Variants in CAMK2D observed in about 807,000 individuals in gnomAD.
CAMK2D encodes the protein calcium/calmodulin dependent protein kinase II delta.
A neutral mutation model predicts 84.0 loss-of-function variants in CAMK2D; 37 were observed. That is an observed-to-expected ratio of 0.44 (90% CI 0.34 to 0.58). The LOEUF is 0.58. CAMK2D is among the 20% of genes least tolerant of loss of function. The pLI is 0.02. For synonymous variants in CAMK2D, 202 were observed against 212.5 expected, an observed-to-expected ratio of 0.95 and a Z score of 0.43; for missense variants, 448 against 652.5, an observed-to-expected ratio of 0.69 and a Z score of 3.41.
At chr4:113,677,822 A>G (rs545704371) in intron 2 of CAMK2D, among the ~76,000 whole-genome samples, 70 of 152,244 alleles carry the variant, frequency 4.6e-4, no homozygotes, top group Non-Finnish European at 9.3e-4. Context: ...AGAGGAAAAA[A>G]ATGGCTTTTC....
chr4:113,612,251 T>C (rs1284194571), intron 3 of CAMK2D, among the ~76,000 whole-genome samples: 2 of 152,230 alleles, frequency 1.3e-5, no homozygotes, highest in African/African-American at 4.8e-5. Context: ...GTTTTAGTTG[T>C]AGACATCATC....
At chr4:113,752,146 A>G (rs934760427) in intron 2 of CAMK2D, among the ~76,000 whole-genome samples, 18 of 151,960 alleles carry the variant, frequency 1.2e-4, no homozygotes, top group African/African-American at 4.1e-4. Flanking sequence ...CAAAAAGCAC[A>G]CAGGTAGCTT....
intron 2 of CAMK2D, among the ~76,000 whole-genome samples, chr4:113,681,267 G>A (rs1184131973): frequency 6.6e-6 from 1 of 152,126 alleles, no homozygotes; most frequent in Admixed American, 6.5e-5. Flanking sequence ...ACATGTCAGG[G>A]GAAGGACCTG....
At chr4:113,693,474 T>C (rs1228362780) in intron 2 of CAMK2D, among the ~76,000 whole-genome samples, 1 of 152,102 alleles carries the variant, frequency 6.6e-6, no homozygotes, top group Non-Finnish European at 1.5e-5. Context: ...CAAATACTCC[T>C]CAAACTCTGA....
In CAMK2D at chr4:113,545,333, T is replaced by C. The variant is rs561813847; in HGVS notation, c.414+2311A>G. 2.6e-4 allele frequency among the ~76,000 whole-genome samples: 39 copies of C among 152,258 alleles called. 2 individuals carry two copies. The highest frequency in any genetic ancestry group is 9.4e-4 in the African/African-American group (39 of 41,540). On this transcript the variant is annotated intron_variant, in intron 6 of 20. Coordinates refer to ENST00000511664, the MANE Select transcript of CAMK2D (RefSeq NM_001321571.2). Reference sequence around the variant, plus strand: ...ATAAACATGACATTTCCTGTGTTTCTTTTTCTCACTGATGTGGACAAATTA... The same window carrying C: ...ATAAACATGACATTTCCTGTGTTTCCTTTTCTCACTGATGTGGACAAATTA...
At chr4:113,490,283 G>A (rs1358038193) in intron 16 of CAMK2D, among the ~76,000 whole-genome samples, 5 of 149,744 alleles carry the variant, frequency 3.3e-5, no homozygotes, top group Admixed American at 6.7e-5. Context: ...TAGGTCTAAC[G>A]TTTAAGTCTT....
At chr4:113,660,833 C>T (rs1047883926) in intron 3 of CAMK2D, among the ~76,000 whole-genome samples, 11 of 144,166 alleles carry the variant, frequency 7.6e-5, no homozygotes, top group African/African-American at 2.6e-4. Context: ...CTCGCTCTCT[C>T]GTCCCAGGCT....
intron 2 of CAMK2D, among the ~76,000 whole-genome samples, chr4:113,741,763 C>T (rs2099593535): frequency 6.6e-6 from 1 of 152,200 alleles, no homozygotes; most frequent in Non-Finnish European, 1.5e-5. Context: ...AGACTCTACA[C>T]AATCCATCCC....
intron 3 of CAMK2D, among the ~76,000 whole-genome samples, chr4:113,650,409 C>T (rs1352994554): frequency 2.0e-5 from 3 of 149,382 alleles, no homozygotes; most frequent in Non-Finnish European, 4.4e-5. Flanking sequence ...CCCAGCTGCT[C>T]GGGAGGCTGA....
chr4:113,565,895 A>T (rs72678732), intron 4 of CAMK2D, among the ~76,000 whole-genome samples: 2 of 152,164 alleles, frequency 1.3e-5, no homozygotes, highest in East Asian at 3.9e-4. Flanking sequence ...AAATTAGTAG[A>T]GGCTATTAAT....
chr4:113,571,215 A>T (rs1400037797), intron 4 of CAMK2D, among the ~76,000 whole-genome samples: 1 of 152,244 alleles, frequency 6.6e-6, no homozygotes, highest in Non-Finnish European at 1.5e-5. Context: ...TACAGCCATT[A>T]TGGAAAATAG....
At chr4:113,706,561 A>G (rs2099456954) in intron 2 of CAMK2D, among the ~76,000 whole-genome samples, 1 of 152,200 alleles carries the variant, frequency 6.6e-6, no homozygotes, top group African/African-American at 2.4e-5. Context: ...GTGAAAAGGA[A>G]ATGTGGCTCA....
intron 2 of CAMK2D, among the ~76,000 whole-genome samples, chr4:113,702,933 T>C (rs887677406): frequency 5.3e-5 from 8 of 152,114 alleles, no homozygotes; most frequent in African/African-American, 1.9e-4. Flanking sequence ...GATTTTACAT[T>C]CAAAATCTTG....
chr4:113,539,277 C>A (rs1053868432), intron 6 of CAMK2D, among the ~76,000 whole-genome samples: 6 of 152,182 alleles, frequency 3.9e-5, no homozygotes, highest in Non-Finnish European at 8.8e-5. Flanking sequence ...ATTCTTTCTT[C>A]ACTTTCAAAA....
At position 113,755,055 on chromosome 4, in the gene CAMK2D, C is replaced by A. The variant is rs567903298; in HGVS notation, c.160+4265G>T. 4.7e-5 allele frequency: 46 copies of A among 984,544 alleles called. No individual in the cohort carries two copies. In the African/African-American group the frequency reaches 7.7e-4, roughly 16 times the overall value. 61.0% of individuals were successfully genotyped at this position (984,544 alleles called of 1,614,324 possible). On this transcript the variant is annotated intron_variant, in intron 2 of 20. Transcript: ENST00000511664. ...CTACTTCCAATTCAAGACAAGTAAC[C>A]ATGAAGTTGAGAAATTACAGTACTT...
At chr4:113,516,217 T>C (rs186225036) in intron 9 of CAMK2D, among the ~76,000 whole-genome samples, 1 of 152,318 alleles carries the variant, frequency 6.6e-6, no homozygotes, top group Admixed American at 6.5e-5. Context: ...TATCTGTAAT[T>C]TTTGCCAGCT....
rs894872921 is a variant in CAMK2D, at chr4:113,761,544, A to T, written c.-476T>A. 1.9e-5 allele frequency: 19 copies of T among 998,880 alleles called. No individual in the cohort carries two copies. The highest frequency in any genetic ancestry group is 2.3e-5 in the Non-Finnish European group (19 of 838,234). 61.9% of individuals were successfully genotyped at this position (998,880 alleles called of 1,614,324 possible). A position where few individuals can be genotyped will look rare whatever the true frequency, so the allele number is the denominator to read the frequency against. ...CAGCGGGGCCGAGGCCGCGGAGCCC[A>T]GAGCGGACAGCCTGAGCCCAGCGGC... On this transcript the variant is annotated 5_prime_UTR_variant, in exon 1 of 21. Transcript: ENST00000511664.
intron 2 of CAMK2D, among the ~76,000 whole-genome samples, chr4:113,709,473 ATTGTTTT>A (rs2099480330): frequency 6.6e-6 from 1 of 151,838 alleles, no homozygotes; most frequent in Non-Finnish European, 1.5e-5. Flanking sequence ...AAAAGGGAAG[ATTGTTTT>A]TAACATATGG....
At chr4:113,625,505 G>A (rs61017310) in intron 3 of CAMK2D, among the ~76,000 whole-genome samples, 21,241 of 152,152 alleles carry the variant, frequency 0.14, 1,566 homozygotes, top group African/African-American at 0.17. Context: ...AATGAATAGT[G>A]TAAGCCATGG....
Sources: gnomAD v4.1 joint callset for allele counts (sites outside exome capture counted in the v4.1 genomes callset) on GRCh38, gnomAD v4.1.1 for gene constraint, MANE v1.5 for transcripts, NCBI Gene and HGNC (gene_info 2026-07-23, HGNC 2026-07-21) for gene names.